The following BMP6 variants were observed in gnomAD, a reference collection of about 807,000 sequenced individuals.
BMP6 encodes the protein VG-1-R.
BMP6 carries 17 observed loss-of-function variants against 54.1 expected under a neutral mutation model. That is an observed-to-expected ratio of 0.31 (90% confidence interval 0.22 to 0.47). The LOEUF (loss-of-function observed/expected upper bound fraction) is 0.47, where lower values mean the gene tolerates loss of function less well. BMP6 is among the 20% of genes least tolerant of loss of function. The pLI is 1.00. For synonymous variants in BMP6, 328 were observed against 291.2 expected, an observed-to-expected ratio of 1.13 and a Z score of -1.28; for missense variants, 720 against 690.4, an observed-to-expected ratio of 1.04 and a Z score of -0.48.
intron 2 of BMP6, among the ~76,000 whole-genome samples, chr6:7,846,735 A>G (rs1284537862): frequency 1.3e-5 from 2 of 152,214 alleles, no homozygotes; most frequent in Non-Finnish European, 2.9e-5. Flanking sequence ...TGGCTATACT[A>G]CTGAGGGCCT....
At chr6:7,858,570 A>G (rs1018653259) in intron 2 of BMP6, among the ~76,000 whole-genome samples, 2 of 151,964 alleles carry the variant, frequency 1.3e-5, no homozygotes, top group African/African-American at 2.4e-5. Flanking sequence ...TGTGACGGCT[A>G]AGGACCTGGG....
At chr6:7,871,706 G>A (rs1464677384) in intron 4 of BMP6, among the ~76,000 whole-genome samples, 3 of 152,194 alleles carry the variant, frequency 2.0e-5, no homozygotes, top group Non-Finnish European at 4.4e-5. Flanking sequence ...ACCAATATTG[G>A]GCCTTGACTG....
At chr6:7,852,313 C>A (rs1759156301) in intron 2 of BMP6, among the ~76,000 whole-genome samples, 1 of 152,206 alleles carries the variant, frequency 6.6e-6, no homozygotes, top group African/African-American at 2.4e-5. Context: ...CGGCTCACAT[C>A]TATAAATTCA....
chr6:7,869,454 A>G (rs1314225782), intron 4 of BMP6, among the ~76,000 whole-genome samples: 6 of 152,230 alleles, frequency 3.9e-5, no homozygotes, highest in Non-Finnish European at 7.3e-5. Flanking sequence ...TTGGGGGTAT[A>G]GGCAATGTAT....
intron 1 of BMP6, among the ~76,000 whole-genome samples, chr6:7,748,584 A>G (rs1757379422): frequency 1.3e-5 from 2 of 152,182 alleles, no homozygotes; most frequent in Non-Finnish European, 1.5e-5. Flanking sequence ...GCAGGGGAAA[A>G]TGAAGTAGAA....
chr6:7,735,599 A>T (rs1761942305), intron 1 of BMP6, among the ~76,000 whole-genome samples: 1 of 151,974 alleles, frequency 6.6e-6, no homozygotes, highest in Non-Finnish European at 1.5e-5. Flanking sequence ...GTTTTTTTTT[A>T]AGATCAGTTT....
At chr6:7,837,504 G>A (rs1758892979) in intron 1 of BMP6, among the ~76,000 whole-genome samples, 1 of 152,174 alleles carries the variant, frequency 6.6e-6, no homozygotes, top group Admixed American at 6.5e-5. Context: ...CAACCTGGAT[G>A]GGGTTGGAGA....
chr6:7,789,739 T>C (rs2113180932), intron 1 of BMP6, among the ~76,000 whole-genome samples: 1 of 152,290 alleles, frequency 6.6e-6, no homozygotes, highest in Non-Finnish European at 1.5e-5. Context: ...ATGGGATTTC[T>C]TAGACTCTCC....
At chr6:7,766,555 C>A (rs1757691910) in intron 1 of BMP6, among the ~76,000 whole-genome samples, 1 of 152,070 alleles carries the variant, frequency 6.6e-6, no homozygotes, top group Non-Finnish European at 1.5e-5. Flanking sequence ...AAGATCAAGG[C>A]TGCAGTGAGC....
intron 1 of BMP6, among the ~76,000 whole-genome samples, chr6:7,808,415 G>A (rs569306234): frequency 6.6e-5 from 10 of 152,210 alleles, no homozygotes; most frequent in South Asian, 2.1e-4. Context: ...TTGGGGGGGC[G>A]ATCATTGCAA....
chr6:7,838,225 T>C (rs1313306585), intron 1 of BMP6, among the ~76,000 whole-genome samples: 2 of 152,124 alleles, frequency 1.3e-5, no homozygotes, highest in Non-Finnish European at 2.9e-5. Context: ...TTATTATCAT[T>C]AATCTTACTA....
intron 1 of BMP6, among the ~76,000 whole-genome samples, chr6:7,777,728 A>G (rs1179396623): frequency 6.6e-6 from 1 of 151,634 alleles, no homozygotes; most frequent in African/African-American, 2.4e-5. Context: ...ATAAAACCCC[A>G]GTAAACACAT....
At chr6:7,812,876 G>T (rs552629015) in intron 1 of BMP6, among the ~76,000 whole-genome samples, 1 of 150,966 alleles carries the variant, frequency 6.6e-6, no homozygotes, top group South Asian at 2.1e-4. Flanking sequence ...CACACACCAG[G>T]ATCTCCCCCA....
At chr6:7,861,111 T>A (rs114756755) in intron 2 of BMP6, among the ~76,000 whole-genome samples, 7 of 152,250 alleles carry the variant, frequency 4.6e-5, no homozygotes, top group Admixed American at 2.6e-4. Context: ...AAAAGTTTTT[T>A]AAAAAATCAT....
At chr6:7,767,145 C>G (rs576591805) in intron 1 of BMP6, among the ~76,000 whole-genome samples, 4 of 151,954 alleles carry the variant, frequency 2.6e-5, no homozygotes, top group African/African-American at 7.2e-5. Flanking sequence ...GGCCACCACA[C>G]CCGGCTAATT....
At chr6:7,852,877 A>G (rs1242315863) in intron 2 of BMP6, among the ~76,000 whole-genome samples, 3 of 152,230 alleles carry the variant, frequency 2.0e-5, no homozygotes, top group Admixed American at 2.0e-4. Flanking sequence ...GAAAGGGACT[A>G]CACAGAAGTG....
intron 1 of BMP6, among the ~76,000 whole-genome samples, chr6:7,742,570 C>G (rs888426105): frequency 6.6e-6 from 1 of 152,226 alleles, no homozygotes; most frequent in African/African-American, 2.4e-5. Context: ...GAAAACTGAT[C>G]AAAGCCATGG....
intron 1 of BMP6, among the ~76,000 whole-genome samples, chr6:7,769,777 G>A (rs901752070): frequency 6.6e-6 from 1 of 152,148 alleles, no homozygotes; most frequent in African/African-American, 2.4e-5. Context: ...TTGAATTTTT[G>A]AGTCCTACCG....
At position 7,726,136 on chromosome 6, in the gene BMP6, G is replaced by C. The variant is rs1761716810; in HGVS notation, c.-820G>C. Among the ~76,000 whole-genome samples, 1 of 152,344 alleles carries C rather than the reference G, an allele frequency of 6.6e-6. No individual in the cohort carries two copies. The highest frequency in any genetic ancestry group is 1.9e-4 in the East Asian group (1 of 5,170). On this transcript the variant is annotated 5_prime_UTR_variant, in exon 1 of 7. Coordinates refer to ENST00000283147, the MANE Select transcript of BMP6 (RefSeq NM_001718.6). ...TTGGCCGCTGCGGGGAGCGCGGCGT[G>C]GAGAGGCGGGAGACCGAATTCCGGC...
Sources: allele counts gnomAD v4.1 joint callset (sites outside exome capture counted in the v4.1 genomes callset), GRCh38; gene constraint gnomAD v4.1.1; transcripts MANE v1.5; gene names NCBI Gene and HGNC (gene_info 2026-07-23, HGNC 2026-07-21).